SRBD1: variants seen among roughly 807,000 people sequenced by gnomAD.
The protein encoded by SRBD1 is S1 RNA-binding domain-containing protein 1.
SRBD1 carries 88 observed loss-of-function variants against 115.3 expected under a neutral mutation model. That is an observed-to-expected ratio of 0.76 (90% CI 0.64 to 0.91). The LOEUF is 0.91. SRBD1 is among the 40% of genes least tolerant of loss of function. SRBD1 has a pLI of 0.00. For missense variants in SRBD1, 1,385 were observed against 1,177.4 expected, an observed-to-expected ratio of 1.18 and a Z score of -2.58; for synonymous variants, 509 against 407.7, an observed-to-expected ratio of 1.25 and a Z score of -2.99.
intron 18 of SRBD1, among the ~76,000 whole-genome samples, chr2:45,414,926 C>T (rs1293729401): frequency 1.1e-5 from 1 of 90,532 alleles, no homozygotes; most frequent in Non-Finnish European, 2.2e-5. Flanking sequence ...ATAGTATGTA[C>T]ACACACAGTG....
chr2:45,428,543 C>T (rs1668229169), intron 16 of SRBD1, among the ~76,000 whole-genome samples: 1 of 151,116 alleles, frequency 6.6e-6, no homozygotes, highest in Non-Finnish European at 1.5e-5. Context: ...CAGAACGAGA[C>T]TCCGTCTCAA....
intron 16 of SRBD1, among the ~76,000 whole-genome samples, chr2:45,440,978 GA>G (rs1169374174): frequency 1.3e-5 from 2 of 152,138 alleles, no homozygotes; most frequent in Non-Finnish European, 2.9e-5. Context: ...TCCACATGTA[GA>G]AAAAAGGCTC....
chr2:45,451,523 TGA>T (rs1463157918), intron 16 of SRBD1, among the ~76,000 whole-genome samples: 1 of 152,024 alleles, frequency 6.6e-6, no homozygotes, highest in Non-Finnish European at 1.5e-5. Context: ...ATAGCATTCA[TGA>T]GATACACATC....
chr2:45,466,980 T>C (rs1418179847), intron 16 of SRBD1, among the ~76,000 whole-genome samples: 1 of 152,208 alleles, frequency 6.6e-6, no homozygotes, highest in Admixed American at 6.5e-5. Flanking sequence ...AATCAGAGTT[T>C]GCATCTTTAA....
At chr2:45,585,151 G>A (rs540775642) in intron 5 of SRBD1, among the ~76,000 whole-genome samples, 107 of 137,792 alleles carry the variant, frequency 7.8e-4, no homozygotes, top group African/African-American at 2.6e-3. Context: ...CTCTGTCTCC[G>A]AAAAAAAAAA....
At chr2:45,525,238 T>G (rs986573561) in intron 14 of SRBD1, among the ~76,000 whole-genome samples, 1 of 152,040 alleles carries the variant, frequency 6.6e-6, no homozygotes, top group Non-Finnish European at 1.5e-5. Flanking sequence ...TTTGGCAAAG[T>G]GTTCTTACAT....
At chr2:45,396,625 G>C (rs1395988051) in intron 19 of SRBD1, among the ~76,000 whole-genome samples, 3 of 152,210 alleles carry the variant, frequency 2.0e-5, no homozygotes, top group Non-Finnish European at 4.4e-5. Context: ...TTTTCAAACA[G>C]AATGCTATAT....
At chr2:45,598,595 A>G (rs1299442216) in intron 4 of SRBD1, among the ~76,000 whole-genome samples, 1 of 151,534 alleles carries the variant, frequency 6.6e-6, no homozygotes, top group Non-Finnish European at 1.5e-5. Context: ...ACAGAGCAAG[A>G]CACCGTCTCA....
chr2:45,435,026 G>A (rs368319186), intron 16 of SRBD1, among the ~76,000 whole-genome samples: 19 of 151,690 alleles, frequency 1.3e-4, no homozygotes, highest in African/African-American at 3.9e-4. Context: ...TGCAGTGTTT[G>A]GTTTTCTGTC....
At chr2:45,523,606 A>T (rs4542897) in intron 14 of SRBD1, among the ~76,000 whole-genome samples, 1 of 151,504 alleles carries the variant, frequency 6.6e-6, no homozygotes, top group African/African-American at 2.4e-5. Context: ...CTGACAAATT[A>T]CTGGAAAGAC....
intron 16 of SRBD1, among the ~76,000 whole-genome samples, chr2:45,446,446 A>G (rs1055189114): frequency 1.2e-4 from 19 of 152,104 alleles, no homozygotes; most frequent in African/African-American, 2.9e-4. Context: ...CCCTACCACA[A>G]TTGAATCTCC....
intron 14 of SRBD1, among the ~76,000 whole-genome samples, chr2:45,538,639 G>T (rs953065568): frequency 6.6e-6 from 1 of 152,198 alleles, no homozygotes; most frequent in Non-Finnish European, 1.5e-5. Context: ...AGCCAGGAAC[G>T]AACATGAGTT....
chr2:45,554,200 GCTCTTTCTCT>G (rs1672398642), intron 10 of SRBD1, among the ~76,000 whole-genome samples: 1 of 152,158 alleles, frequency 6.6e-6, no homozygotes, highest in Non-Finnish European at 1.5e-5. Context: ...CAGAGGGCTT[GCTCTTTCTCT>G]CTCTTTCTCA....
intron 16 of SRBD1, among the ~76,000 whole-genome samples, chr2:45,451,956 T>C (rs1669012658): frequency 6.6e-6 from 1 of 151,958 alleles, no homozygotes; most frequent in African/African-American, 2.4e-5. Flanking sequence ...AATGTTTCAT[T>C]AAAATTTTGG....
Position 45,389,585 on chromosome 2 carries a change from C to A in SRBD1, c.2713G>T (p.Asp905Tyr). Residue 905 changes from aspartate (D) to tyrosine (Y), a missense_variant, in exon 21 of 21, where the codon GAT becomes TAT. By Grantham distance (160) the Asp-to-Tyr change is radical. Coordinates refer to ENST00000263736, the MANE Select transcript of SRBD1 (RefSeq NM_018079.5). ...AGGCATACTATGCTTCTCTTGAAAT[C>A]AGGTTTATCAAAATCTGTAAGAGAA... ...FDFRTDFDKP[D>Y]FKRSIVCLED... is the part of the protein sequence containing the mutation. The A allele has an allele frequency of 6.2e-7, 1 of 1,612,138 alleles. No individual in the cohort carries two copies. Among genetic ancestry groups the A allele is most frequent in the Non-Finnish European group, 8.5e-7 (1 of 1,179,158 alleles).
intron 14 of SRBD1, among the ~76,000 whole-genome samples, chr2:45,529,660 G>C (rs953715073): frequency 6.6e-6 from 1 of 151,904 alleles, no homozygotes; most frequent in Non-Finnish European, 1.5e-5. Flanking sequence ...ACCAGATACA[G>C]AGTCTCCCAA....
intron 19 of SRBD1, among the ~76,000 whole-genome samples, chr2:45,411,019 C>A (rs889995568): frequency 1.3e-5 from 2 of 152,168 alleles, no homozygotes; most frequent in Non-Finnish European, 1.5e-5. Flanking sequence ...TGCAAACTGG[C>A]AAATTAATTG....
intron 4 of SRBD1, among the ~76,000 whole-genome samples, chr2:45,589,723 G>A (rs1458183431): frequency 6.6e-6 from 1 of 152,198 alleles, no homozygotes; most frequent in African/African-American, 2.4e-5. Context: ...CATACAAGCA[G>A]TCTTCATTCT....
intron 14 of SRBD1, among the ~76,000 whole-genome samples, chr2:45,526,320 A>G (rs943095096): frequency 1.3e-5 from 2 of 152,076 alleles, no homozygotes; most frequent in Non-Finnish European, 2.9e-5. Flanking sequence ...TGAACCTCGA[A>G]AACATGCTAA....
Sources: gnomAD v4.1 joint callset for allele counts (sites outside exome capture counted in the v4.1 genomes callset) on GRCh38, gnomAD v4.1.1 for gene constraint, MANE v1.5 for transcripts, NCBI Gene and HGNC (gene_info 2026-07-23, HGNC 2026-07-21) for gene names.